The following DNASE1 variants were observed in gnomAD, a reference collection of about 807,000 sequenced individuals.
DNASE1 encodes the protein deoxyribonuclease 1, also known as deoxyribonuclease-1.
In DNASE1, 40 loss-of-function variants were observed where a neutral mutation model predicts 33.9. The ratio of observed to expected loss-of-function variants is 1.18; its 90% CI spans 0.92 to 1.54. The LOEUF (loss-of-function observed/expected upper bound fraction) is 1.54, where lower values mean the gene tolerates loss of function less well. Among genes scored for constraint, DNASE1 ranks in the 40% most tolerant of loss-of-function variants. The pLI is 0.00. For missense variants in DNASE1, 518 were observed against 372.6 expected (o/e 1.39, Z -3.21); for synonymous variants, 216 against 160.0 (o/e 1.35, Z -2.64).
chr16:3,612,918 C>T (rs139271589), intron 1 of DNASE1, among the ~76,000 whole-genome samples: 2 of 152,076 alleles, frequency 1.3e-5, no homozygotes, highest in Admixed American at 1.3e-4. Flanking sequence ...TAGTGTGCCT[C>T]CAGTCACTGA....
upstream of DNASE1, among the ~76,000 whole-genome samples, chr16:3,638,597 C>A (rs1395386960): frequency 1.3e-5 from 2 of 152,336 alleles, no homozygotes; most frequent in East Asian, 3.9e-4. Context: ...CTCGGCCTCC[C>A]AAAGTGCTGG....
chr16:3,637,774 G>C (rs1363410080), intron 1 of DNASE1, among the ~76,000 whole-genome samples: 1 of 152,078 alleles, frequency 6.6e-6, no homozygotes, highest in Non-Finnish European at 1.5e-5. Flanking sequence ...GGCTCATGGA[G>C]GTAAAGTCCA....
chr16:3,662,743 A>T, downstream of DNASE1: 1 of 796,996 alleles, frequency 1.3e-6, no homozygotes, highest in Non-Finnish European at 2.1e-6. Flanking sequence ...GCAGGGACCC[A>T]CAGGGTCTCC....
chr16:3,658,351 T>C, downstream of DNASE1: 1 of 779,334 alleles, frequency 1.3e-6, no homozygotes. Flanking sequence ...CTCGGCTCAC[T>C]GCAACCTCAG....
At chr16:3,636,592 G>A (rs1044055094) in intron 1 of DNASE1, among the ~76,000 whole-genome samples, 2 of 151,442 alleles carry the variant, frequency 1.3e-5, no homozygotes, top group African/African-American at 2.4e-5. Flanking sequence ...GAGGCTGAGC[G>A]GGGAGGATCG....
chr16:3,637,068 C>A (rs921622147), intron 1 of DNASE1, among the ~76,000 whole-genome samples: 4 of 151,458 alleles, frequency 2.6e-5, no homozygotes, highest in Non-Finnish European at 4.4e-5. Flanking sequence ...AGGTTGCAGT[C>A]AGTAGAGATT....
At chr16:3,664,171 C>CT (rs2050766889) in exon 10 of DNASE1, 1 of 1,293,518 alleles carries the variant, frequency 7.7e-7, no homozygotes, top group Admixed American at 3.0e-5. Flanking sequence ...CTGTGCAGCC[C>CT]TGCCCGGAGT....
chr16:3,622,687 A>C (rs1228632435), intron 1 of DNASE1, among the ~76,000 whole-genome samples: 1 of 152,152 alleles, frequency 6.6e-6, no homozygotes, highest in African/African-American at 2.4e-5. Context: ...CCTGGGCTCA[A>C]GTGATCCCCC....
chr16:3,616,592 G>T (rs374053741), intron 1 of DNASE1, among the ~76,000 whole-genome samples: 9 of 127,124 alleles, frequency 7.1e-5, no homozygotes, highest in South Asian at 2.3e-4. Flanking sequence ...CTGCACTCCA[G>T]CCTGGGTGAT....
chr16:3,659,105 C>A (rs2042912597), downstream of DNASE1: 1 of 480,670 alleles, frequency 2.1e-6, no homozygotes. Flanking sequence ...GATTAATATA[C>A]ACTAAAGGGA....
intron 1 of DNASE1, among the ~76,000 whole-genome samples, chr16:3,624,625 C>A (rs1165001837): frequency 6.6e-6 from 1 of 152,202 alleles, no homozygotes; most frequent in East Asian, 1.9e-4. Context: ...AAGCCATTCC[C>A]AGTGGTGGCC....
At chr16:3,622,541 ACT>A (rs1268767290) in intron 1 of DNASE1, among the ~76,000 whole-genome samples, 1 of 152,028 alleles carries the variant, frequency 6.6e-6, no homozygotes, top group Non-Finnish European at 1.5e-5. Flanking sequence ...ATTTGTAAGA[ACT>A]CTATATTGTG....
In DNASE1 at chr16:3,655,909, G is replaced by C; in HGVS notation, c.208G>C (p.Val70Leu). Residue 70 changes from valine to leucine, a missense_variant, in exon 3 of 9, where the codon GTG becomes CTG. Val to Leu is a conservative substitution (Grantham distance 32). Coordinates refer to ENST00000246949, the MANE Select transcript of DNASE1 (RefSeq NM_005223.4). ...QEVRDSHLTA[V>L]GKLLDNLNQD... The stretch of plus-strand genomic sequence containing the variant: ...GGTCAGAGACAGCCACCTGACTGCC[G>C]TGGGGAAGCTGCTGGACAACCTCAA... 1 of 1,614,096 alleles carries C rather than the reference G, an allele frequency of 6.2e-7. No homozygotes were observed. The highest frequency in any genetic ancestry group is 8.5e-7 in the Non-Finnish European group (1 of 1,180,016).
upstream of DNASE1, among the ~76,000 whole-genome samples, chr16:3,638,081 A>T (rs2151187529): frequency 6.7e-6 from 1 of 150,110 alleles, no homozygotes; most frequent in Admixed American, 6.7e-5. Flanking sequence ...GATAAAAATA[A>T]TTCCAGTTGA....
In DNASE1 at chr16:3,657,127, G is replaced by T; in HGVS notation, c.549+16G>T. 6.2e-7 allele frequency: 1 copy of T among 1,614,096 alleles called. No homozygotes were observed. Among genetic ancestry groups the T allele is most frequent in the Non-Finnish European group, 8.5e-7 (1 of 1,180,010 alleles). On this transcript the variant is annotated intron_variant, in intron 6 of 8. Coordinates refer to ENST00000246949, the MANE Select transcript of DNASE1 (RefSeq NM_005223.4). ...GGGCTTGGAGGTGAGGCCCTCCCAG[G>T]GGCAGTGGGCACCAGCGGCCTCCGC...
downstream of DNASE1, chr16:3,658,498 A>G (rs1177958655): frequency 3.5e-6 from 2 of 571,424 alleles, no homozygotes; most frequent in African/African-American, 3.8e-5. Context: ...CCTGGCCAAG[A>G]TGGTGAAAAC....
intron 7 of DNASE1, among the ~76,000 whole-genome samples, 172 bp from the exon 8 acceptor site, chr16:3,657,548 C>G (rs957094057): frequency 6.6e-6 from 1 of 152,172 alleles, no homozygotes; most frequent in Non-Finnish European, 1.5e-5. Flanking sequence ...GAGGCAGACA[C>G]CTAGGCTGTC....
chr16:3,662,526 C>T (rs1360511416), downstream of DNASE1: 5 of 530,098 alleles, frequency 9.4e-6, no homozygotes, highest in Non-Finnish European at 1.8e-5. Context: ...CCACCCAAAA[C>T]CCCCGACTAA....
chr16:3,662,247 G>A, downstream of DNASE1: 2 of 1,241,116 alleles, frequency 1.6e-6, no homozygotes, highest in Non-Finnish European at 2.2e-6. Flanking sequence ...GGGGTCTCAA[G>A]GACTCCCCTG....
Sources: allele counts gnomAD v4.1 joint callset (sites outside exome capture counted in the v4.1 genomes callset), GRCh38; gene constraint gnomAD v4.1.1; transcripts MANE v1.5; gene names NCBI Gene and HGNC (gene_info 2026-07-23, HGNC 2026-07-21).